XYLT1: variants seen among roughly 807,000 people sequenced by gnomAD.
XYLT1 encodes the protein xylosyltransferase 1, also known as beta-D-xylosyltransferase 1.
XYLT1 carries 36 observed loss-of-function variants against 91.3 expected under a neutral mutation model. The ratio of observed to expected loss-of-function variants is 0.39; its 90% CI spans 0.30 to 0.52. The LOEUF (loss-of-function observed/expected upper bound fraction) is 0.52. XYLT1 is among the 20% of genes least tolerant of loss of function. The pLI is 0.68. For synonymous variants in XYLT1, 588 were observed against 532.0 expected, an observed-to-expected ratio of 1.11 and a Z score of -1.45; for missense variants, 1,242 against 1,284.5, an observed-to-expected ratio of 0.97 and a Z score of 0.51.
intron 11 of XYLT1, among the ~76,000 whole-genome samples, chr16:17,114,744 A>T (rs1966848561): frequency 1.3e-5 from 2 of 152,214 alleles, no homozygotes; most frequent in African/African-American, 4.8e-5. Flanking sequence ...AGAGATGGAC[A>T]TGAATAATTC....
intron 2 of XYLT1, among the ~76,000 whole-genome samples, chr16:17,335,702 A>AAG (rs1227385855): frequency 6.6e-6 from 1 of 151,818 alleles, no homozygotes; most frequent in African/African-American, 2.4e-5. Flanking sequence ...CTCAAAAAAA[A>AAG]AAAAAAAAAT....
intron 1 of XYLT1, among the ~76,000 whole-genome samples, chr16:17,433,972 G>T (rs1361348303): frequency 6.6e-6 from 1 of 151,954 alleles, no homozygotes; most frequent in Non-Finnish European, 1.5e-5. Flanking sequence ...ATCCTTTCGA[G>T]AAATCCATTT....
intron 2 of XYLT1, among the ~76,000 whole-genome samples, chr16:17,298,653 C>G (rs751783819): frequency 6.6e-6 from 1 of 152,184 alleles, no homozygotes; most frequent in Non-Finnish European, 1.5e-5. Context: ...TCAGTCTTCA[C>G]CCGGCAGGGA....
At chr16:17,338,586 G>A (rs767918704) in intron 2 of XYLT1, 20 of 445,468 alleles carry the variant, frequency 4.5e-5, no homozygotes, top group Admixed American at 2.2e-4. Flanking sequence ...ATGGTCTTTC[G>A]TGTCCCCTTA....
At chr16:17,444,318 T>C (rs947837147) in intron 1 of XYLT1, among the ~76,000 whole-genome samples, 3 of 152,172 alleles carry the variant, frequency 2.0e-5, no homozygotes, top group African/African-American at 7.2e-5. Context: ...TACTGGAGTA[T>C]AGGGACCTTT....
intron 2 of XYLT1, among the ~76,000 whole-genome samples, chr16:17,311,782 G>A (rs887306629): frequency 7.1e-6 from 1 of 141,518 alleles, no homozygotes; most frequent in Admixed American, 7.1e-5. Context: ...CCAAGTGGCT[G>A]GGGAGGCCGC....
chr16:17,314,650 GAC>G (rs762568675), intron 2 of XYLT1, among the ~76,000 whole-genome samples: 7 of 152,136 alleles, frequency 4.6e-5, no homozygotes, highest in Non-Finnish European at 8.8e-5. Flanking sequence ...TGTGATGAAA[GAC>G]ACAGAAACAA....
intron 2 of XYLT1, among the ~76,000 whole-genome samples, chr16:17,289,442 G>A (rs909125946): frequency 1.3e-5 from 2 of 152,132 alleles, no homozygotes; most frequent in African/African-American, 4.8e-5. Flanking sequence ...CCTGAGACAT[G>A]TGACAAGTAC....
At chr16:17,389,304 G>A (rs547973758) in intron 1 of XYLT1, among the ~76,000 whole-genome samples, 13 of 152,296 alleles carry the variant, frequency 8.5e-5, no homozygotes, top group East Asian at 3.9e-4. Flanking sequence ...GGAGTGCAGC[G>A]GCACGATCCT....
At chr16:17,409,546 CTTTTTT>C (rs35377886) in intron 1 of XYLT1, among the ~76,000 whole-genome samples, 3,609 of 117,318 alleles carry the variant, frequency 0.031, 56 homozygotes, top group South Asian at 0.061. Flanking sequence ...TATTGAGACA[CTTTTTT>C]TTTTTTTTTT....
intron 2 of XYLT1, among the ~76,000 whole-genome samples, chr16:17,274,103 C>T (rs1056829126): frequency 1.3e-5 from 2 of 151,760 alleles, no homozygotes; most frequent in African/African-American, 2.4e-5. Flanking sequence ...GTAGAGACAG[C>T]GTTTCACCAT....
intron 2 of XYLT1, among the ~76,000 whole-genome samples, chr16:17,273,392 C>T (rs1486459482): frequency 2.0e-5 from 3 of 152,198 alleles, no homozygotes; most frequent in Non-Finnish European, 4.4e-5. Context: ...CTTCATGTAT[C>T]CTCCAGCCCC....
At chr16:17,305,840 G>C (rs948573273) in intron 2 of XYLT1, among the ~76,000 whole-genome samples, 2 of 152,160 alleles carry the variant, frequency 1.3e-5, no homozygotes, top group African/African-American at 4.8e-5. Flanking sequence ...GTTAGAAACA[G>C]TCAGTCCTGT....
rs1403085506 is a variant in XYLT1 at position 17,344,049 on chromosome 16, A to G, written c.402+13963T>C. Among the ~76,000 whole-genome samples the G allele has an allele frequency of 5.3e-5, 8 of 152,258 alleles. No individual in the cohort carries two copies. The South Asian group carries it at 1.7e-3, about 32-fold the overall frequency. ...TGGTTAGGACCGTGGTTTTCAGCTCAGGGGTGCTTTTGCTCCCCAGAGATA... is the reference window on the plus strand; with the variant it reads ...TGGTTAGGACCGTGGTTTTCAGCTCGGGGGTGCTTTTGCTCCCCAGAGATA... On this transcript the variant is annotated intron_variant, in intron 2 of 11. Coordinates refer to ENST00000261381, the MANE Select transcript of XYLT1 (RefSeq NM_022166.4).
At chr16:17,197,342 C>T (rs1567318440) in intron 5 of XYLT1, among the ~76,000 whole-genome samples, 1 of 152,114 alleles carries the variant, frequency 6.6e-6, no homozygotes, top group Non-Finnish European at 1.5e-5. Context: ...ACCTTCCAGG[C>T]CACCGTTGGT....
intron 3 of XYLT1, among the ~76,000 whole-genome samples, chr16:17,254,424 C>T (rs2033596299): frequency 6.6e-6 from 1 of 152,030 alleles, no homozygotes; most frequent in Admixed American, 6.6e-5. Context: ...TGACAGAGTC[C>T]CGCCCTGTTG....
chr16:17,133,568 G>C (rs1287972193), intron 9 of XYLT1, among the ~76,000 whole-genome samples: 2 of 152,304 alleles, frequency 1.3e-5, no homozygotes, highest in Admixed American at 6.5e-5. Context: ...GGAAGCTACT[G>C]AGCAGCGTGG....
rs55895412 is a variant in XYLT1, at chr16:17,186,467, A to ATTTTT, written c.1289+11740_1289+11744dup. Among the ~76,000 whole-genome samples, 864 of 132,372 alleles carry ATTTTT rather than the reference A, an allele frequency of 6.5e-3. 16 individuals carry two copies. The highest frequency in any genetic ancestry group is 0.018 in the South Asian group (74 of 4,054). The allele number at this position is 132,372 out of a possible 152,430, so 86.8% of individuals were successfully genotyped here. ...AGGGGTGCACCACCACACCTGGTTA[A>ATTTTT]TTTTTTTTTTTTTTTTTTTAGAAAT... On this transcript the variant is annotated intron_variant, in intron 5 of 11. Transcript: ENST00000261381.
At chr16:17,335,374 G>A (rs62030296) in intron 2 of XYLT1, among the ~76,000 whole-genome samples, 12,784 of 152,138 alleles carry the variant, frequency 0.084, 551 homozygotes, top group Non-Finnish European at 0.11. Context: ...CACAGGAACT[G>A]CAGAAGAGCG....
Sources: allele counts gnomAD v4.1 joint callset (sites outside exome capture counted in the v4.1 genomes callset), GRCh38; gene constraint gnomAD v4.1.1; transcripts MANE v1.5; gene names NCBI Gene and HGNC (gene_info 2026-07-23, HGNC 2026-07-21).